The following WDR7 variants were observed in gnomAD, a reference collection of about 807,000 sequenced individuals.
The protein encoded by WDR7 is WD repeat-containing protein 7.
A neutral mutation model predicts 169.4 loss-of-function variants in WDR7; 46 were observed. The ratio of observed to expected loss-of-function variants is 0.27; its 90% CI spans 0.21 to 0.35. The LOEUF is 0.35. Among genes scored for constraint, WDR7 ranks in the 10% least tolerant of loss-of-function variants. The pLI is 1.00. For missense variants in WDR7, 1,534 were observed against 1,859.3 expected, an observed-to-expected ratio of 0.83 and a Z score of 3.22; for synonymous variants, 612 against 666.8, an observed-to-expected ratio of 0.92 and a Z score of 1.27.
chr18:56,849,103 A>G (rs1443764343), intron 20 of WDR7, among the ~76,000 whole-genome samples: 1 of 151,888 alleles, frequency 6.6e-6, no homozygotes, highest in Non-Finnish European at 1.5e-5. Context: ...CCCTTCATCT[A>G]TCTCCTTATC....
rs1351252593 is a variant in WDR7 at position 56,651,585 on chromosome 18, G to C, written c.-20+9G>C. The C allele has an allele frequency of 6.6e-6, 1 of 152,488 alleles. No individual in the cohort carries two copies. The highest frequency in any genetic ancestry group is 2.4e-5 in the African/African-American group (1 of 41,472). 9.4% of individuals were successfully genotyped at this position (152,488 alleles called of 1,614,324 possible). A position where few individuals can be genotyped will look rare whatever the true frequency, so the allele number is the denominator to read the frequency against. ...AGATGAAGCTGTGACAGGTAAGGGG[G>C]CTTTCAAGCTTCTCCATGGGAAACC... On this transcript the variant is annotated intron_variant, in intron 1 of 27. Transcript: ENST00000254442.
At chr18:56,763,438 T>A (rs1218670269) in intron 16 of WDR7, among the ~76,000 whole-genome samples, 2 of 152,240 alleles carry the variant, frequency 1.3e-5, no homozygotes, top group Non-Finnish European at 2.9e-5. Context: ...AAAACAACCT[T>A]GCAATATAGA....
intron 26 of WDR7, among the ~76,000 whole-genome samples, chr18:56,964,481 C>T (rs2145780425): frequency 6.6e-6 from 1 of 152,102 alleles, no homozygotes; most frequent in South Asian, 2.1e-4. Context: ...AAGCAATTCT[C>T]AGTTCAAGTG....
intron 21 of WDR7, among the ~76,000 whole-genome samples, chr18:56,919,638 A>T (rs917140742): frequency 6.6e-6 from 1 of 152,200 alleles, no homozygotes; most frequent in Non-Finnish European, 1.5e-5. Context: ...TAAATTGTGT[A>T]CTAGTTATTA....
chr18:56,701,617 C>T (rs1448584931), intron 12 of WDR7, among the ~76,000 whole-genome samples: 3 of 151,978 alleles, frequency 2.0e-5, no homozygotes, highest in Non-Finnish European at 4.4e-5. Flanking sequence ...ATTATATTGC[C>T]ACTTCAAATA....
intron 26 of WDR7, among the ~76,000 whole-genome samples, chr18:56,968,878 C>G (rs1322040960): frequency 6.6e-6 from 1 of 152,176 alleles, no homozygotes; most frequent in African/African-American, 2.4e-5. Context: ...ACTGGATTTC[C>G]TAATCTCTTA....
At chr18:56,957,243 A>G (rs2047264746) in intron 25 of WDR7, 1 of 152,214 alleles carries the variant, frequency 6.6e-6, no homozygotes, top group South Asian at 2.1e-4. Context: ...TAGTATGTAC[A>G]TCACTTTTGT....
At chr18:56,884,516 A>G (rs1156640549) in intron 21 of WDR7, among the ~76,000 whole-genome samples, 1 of 151,998 alleles carries the variant, frequency 6.6e-6, no homozygotes, top group Non-Finnish European at 1.5e-5. Context: ...ATTAACTCCC[A>G]TCTATTTATC....
In WDR7 at chr18:56,701,520, C is replaced by T. The variant is rs117612076; in HGVS notation, c.1578+5058C>T. Among the ~76,000 whole-genome samples the T allele has an allele frequency of 7.7e-4, 117 of 152,204 alleles. 1 individual carries two copies. The highest frequency in any genetic ancestry group is 1.4e-3 in the Non-Finnish European group (95 of 67,980). ...ATTATTTTTAAATGAGTGGTTTTCT[C>T]ATGATTTATTGCTATTCAGATGTGA... On this transcript the variant is annotated intron_variant, in intron 12 of 27. Transcript: ENST00000254442.
chr18:56,845,850 G>A (rs988464458), intron 20 of WDR7, among the ~76,000 whole-genome samples: 1 of 151,894 alleles, frequency 6.6e-6, no homozygotes, highest in South Asian at 2.1e-4. Flanking sequence ...TTTATTATTA[G>A]TCCTACTAAA....
rs11452823 is a variant in WDR7, at chr18:56,679,514, AT to A, written c.266+86del. The A allele has an allele frequency of 4.6e-4, 254 of 546,300 alleles. No homozygotes were observed. In the Middle Eastern group the frequency reaches 8.5e-3, roughly 18 times the overall value. The allele number at this position is 546,300 out of a possible 1,614,324, so 33.8% of individuals were successfully genotyped here. A position where few individuals can be genotyped will look rare whatever the true frequency, so the allele number is the denominator to read the frequency against. On this transcript the variant is annotated intron_variant, in intron 3 of 27. Transcript: ENST00000254442. ...ACCAATGCCTTGTAAGTAGCGAGGT[AT>A]TTTTTTTTTCTTTTAGAATATCTCC...
chr18:56,693,589 T>TTTTG (rs2025628240), intron 9 of WDR7, among the ~76,000 whole-genome samples: 1 of 139,864 alleles, frequency 7.1e-6, no homozygotes, highest in Non-Finnish European at 1.6e-5. Context: ...TTTTTTTTTT[T>TTTTG]GAGATGGAGT....
At chr18:57,016,845 T>C (rs1446921924) in intron 26 of WDR7, among the ~76,000 whole-genome samples, 1 of 152,238 alleles carries the variant, frequency 6.6e-6, no homozygotes, top group African/African-American at 2.4e-5. Context: ...TTTAATTGTT[T>C]GTAGCACTTC....
In WDR7 at chr18:57,027,215, G is replaced by A. The variant is rs1436272139; in HGVS notation, c.*8G>A. ...CACCGCTTCATGGTCTAATGCTGCT[G>A]CCTGCCGCCGTGACTGCGTTTTAGT... On this transcript the variant is annotated 3_prime_UTR_variant, in exon 28 of 28. Coordinates refer to ENST00000254442, the MANE Select transcript of WDR7 (RefSeq NM_015285.3). 3 of 1,607,594 alleles carry A rather than the reference G, an allele frequency of 1.9e-6. No homozygotes were observed. In the African/African-American group the frequency reaches 4.0e-5, roughly 22 times the overall value.
chr18:56,751,246 A>T (rs2043786253), intron 14 of WDR7, among the ~76,000 whole-genome samples: 1 of 152,102 alleles, frequency 6.6e-6, no homozygotes, highest in Non-Finnish European at 1.5e-5. Flanking sequence ...CACACCTCCC[A>T]GGAAGGGACA....
chr18:56,686,166 G>A (rs959312403), intron 6 of WDR7, 134 bp downstream of exon 6: 37 of 666,620 alleles, frequency 5.6e-5, no homozygotes, highest in Non-Finnish European at 8.0e-5. Context: ...TTTCTTATAG[G>A]CATAGTATGG....
intron 14 of WDR7, among the ~76,000 whole-genome samples, chr18:56,738,934 A>G (rs2043569670): frequency 6.7e-6 from 1 of 149,724 alleles, no homozygotes; most frequent in Admixed American, 6.8e-5. Context: ...AACATTGGTT[A>G]TAATAATGCG....
At chr18:56,780,546 A>T (rs9954113) in intron 18 of WDR7, among the ~76,000 whole-genome samples, 4,018 of 152,202 alleles carry the variant, frequency 0.026, 72 homozygotes, top group African/African-American at 0.051. Flanking sequence ...AGGCCGGGTG[A>T]TGTGGGTCAT....
chr18:56,738,427 A>T (rs766088952), intron 14 of WDR7, among the ~76,000 whole-genome samples: 2 of 152,118 alleles, frequency 1.3e-5, no homozygotes, highest in Admixed American at 6.5e-5. Flanking sequence ...GCTTAGTGGC[A>T]CACACCTGTG....
Sources: gnomAD v4.1 joint callset for allele counts (sites outside exome capture counted in the v4.1 genomes callset) on GRCh38, gnomAD v4.1.1 for gene constraint, MANE v1.5 for transcripts, NCBI Gene and HGNC (gene_info 2026-07-23, HGNC 2026-07-21) for gene names.